METTL15: variants seen among roughly 807,000 people sequenced by gnomAD.
METTL15 encodes 12S rRNA N(4)-cytidine methyltransferase METTL15.
Under a neutral mutation model 38.3 loss-of-function variants are expected in METTL15, and 34 were observed. The ratio of observed to expected loss-of-function variants is 0.89; its 90% confidence interval spans 0.68 to 1.18. METTL15 has a LOEUF of 1.18. Among genes scored for constraint, METTL15 ranks in the 50% most tolerant of loss-of-function variants. The pLI, the probability that METTL15 is intolerant of heterozygous loss-of-function variation, is 0.00. For synonymous variants in METTL15, 162 were observed against 170.9 expected (o/e 0.95, Z 0.41); for missense variants, 438 against 498.4 (o/e 0.88, Z 1.15).
At chr11:28,404,869 A>G (rs1272558089) in intron 5 of METTL15, among the ~76,000 whole-genome samples, 4 of 152,118 alleles carry the variant, frequency 2.6e-5, no homozygotes, top group Non-Finnish European at 4.4e-5. Context: ...ATAATGACCC[A>G]TCTTCCTCTT....
rs577561432 is a variant in METTL15, at chr11:28,205,534, C to A, written c.271-5528C>A. ...ATGGACATTTGAGTTGGTTCCAGGT[C>A]TTTGCTATTGTGAATAGTGCCTCAA... is the stretch of plus-strand genomic sequence containing the variant. On this transcript the variant is annotated intron_variant, in intron 3 of 6. Coordinates refer to ENST00000407364, the MANE Select transcript of METTL15 (RefSeq NM_001113528.2). Among the ~76,000 whole-genome samples the A allele has an allele frequency of 1.7e-3, 266 of 152,174 alleles. 1 individual carries two copies. Among genetic ancestry groups the A allele is most frequent in the African/African-American group, 5.9e-3 (244 of 41,508 alleles).
At chr11:28,361,611 A>G (rs1850139244) in intron 4 of METTL15, among the ~76,000 whole-genome samples, 1 of 152,172 alleles carries the variant, frequency 6.6e-6, no homozygotes, top group Admixed American at 6.5e-5. Context: ...GTTCTAATAA[A>G]TATACTACCT....
chr11:28,316,302 A>T (rs1297614653), intron 6 of METTL15, among the ~76,000 whole-genome samples: 1 of 152,142 alleles, frequency 6.6e-6, no homozygotes, highest in Non-Finnish European at 1.5e-5. Context: ...ATCATTTTGG[A>T]GCTTTAACAT....
rs542264209 is a variant in METTL15, at chr11:28,180,992, C to CT, written c.271-30069dup. 6.6e-5 allele frequency among the ~76,000 whole-genome samples: 10 copies of CT among 151,902 alleles called. No homozygotes were observed. The South Asian group carries it at 1.9e-3, about 28-fold the overall frequency. On this transcript the variant is annotated intron_variant, in intron 3 of 6. Coordinates refer to ENST00000407364, the MANE Select transcript of METTL15 (RefSeq NM_001113528.2). ...AGGTTTCGTTTTCTACTTCTCAACT[C>CT]TGACAGTAGCCACTGGGAGGTAATA...
chr11:28,314,259 G>A (rs755324730), intron 6 of METTL15, among the ~76,000 whole-genome samples: 9 of 152,146 alleles, frequency 5.9e-5, no homozygotes, highest in African/African-American at 2.2e-4. Context: ...AATATTTTTT[G>A]AAGAACATTT....
intron 3 of METTL15, among the ~76,000 whole-genome samples, chr11:28,126,551 GA>G (rs1852495265): frequency 1.3e-5 from 2 of 152,272 alleles, no homozygotes; most frequent in East Asian, 3.9e-4. Context: ...AGACATTGAG[GA>G]GATAGATGTG....
At chr11:28,371,409 A>G (rs961643810) in intron 5 of METTL15, among the ~76,000 whole-genome samples, 8 of 151,948 alleles carry the variant, frequency 5.3e-5, no homozygotes, top group Admixed American at 3.3e-4. Context: ...TTCCAGTACC[A>G]TGCTTATTTG....
chr11:28,430,959 T>C, intron 6 of METTL15, among the ~76,000 whole-genome samples: 1 of 97,688 alleles, frequency 1.0e-5, no homozygotes, highest in African/African-American at 3.5e-5. Flanking sequence ...GGGGCGCCTC[T>C]GCCCGGCCGC....
At chr11:28,338,596 A>T (rs1849922478) in intron 3 of METTL15, among the ~76,000 whole-genome samples, 1 of 152,118 alleles carries the variant, frequency 6.6e-6, no homozygotes, top group East Asian at 1.9e-4. Context: ...AGGAATGTGC[A>T]TGTAGTGAGG....
intron 3 of METTL15, among the ~76,000 whole-genome samples, chr11:28,194,439 A>G (rs1235769515): frequency 2.6e-5 from 4 of 151,728 alleles, no homozygotes; most frequent in African/African-American, 9.7e-5. Flanking sequence ...ACCTCAGGTG[A>G]TGCACCTGCC....
intron 3 of METTL15, among the ~76,000 whole-genome samples, chr11:28,168,134 TCCTGTATTAAGC>T (rs1051834715): frequency 3.3e-5 from 5 of 152,080 alleles, no homozygotes; most frequent in African/African-American, 1.2e-4. Flanking sequence ...TTCCCTCCCA[TCCTGTATTAAGC>T]CCTCTTTGTC....
intron 6 of METTL15, among the ~76,000 whole-genome samples, chr11:28,468,093 C>T (rs1851272784): frequency 6.6e-6 from 1 of 152,140 alleles, no homozygotes; most frequent in South Asian, 2.1e-4. Flanking sequence ...ATGCTGCTGA[C>T]ATCCTTGTGC....
chr11:28,214,239 G>T (rs570679400), intron 4 of METTL15, among the ~76,000 whole-genome samples: 2 of 151,766 alleles, frequency 1.3e-5, no homozygotes, highest in Non-Finnish European at 2.9e-5. Flanking sequence ...TCTCTATGTT[G>T]CCCAGGCTGG....
At chr11:28,516,837 A>G (rs1851723612) in intron 6 of METTL15, 1 of 152,222 alleles carries the variant, frequency 6.6e-6, no homozygotes. Flanking sequence ...GCCCAGGGAG[A>G]TAGAATGTCA....
chr11:28,249,926 C>A (rs1260183939), intron 4 of METTL15, among the ~76,000 whole-genome samples: 1 of 151,928 alleles, frequency 6.6e-6, no homozygotes, highest in Admixed American at 6.6e-5. Context: ...CCCCTATGTC[C>A]ATGTGTATTC....
intron 3 of METTL15, chr11:28,123,982 T>C (rs1852362012): frequency 1.1e-6 from 1 of 888,308 alleles, no homozygotes; most frequent in Non-Finnish European, 1.6e-6. Flanking sequence ...TATAAGATTT[T>C]ACTGTTTATG....
intron 3 of METTL15, among the ~76,000 whole-genome samples, chr11:28,178,370 CCATTTTGGGT>C (rs1445678949): frequency 2.6e-5 from 4 of 151,840 alleles, no homozygotes; most frequent in Admixed American, 1.3e-4. Context: ...TACTTTGTCT[CCATTTTGGGT>C]ATTATCTGTA....
chr11:28,317,848 C>G (rs1441503585), intron 6 of METTL15, among the ~76,000 whole-genome samples: 1 of 152,172 alleles, frequency 6.6e-6, no homozygotes, highest in Non-Finnish European at 1.5e-5. Flanking sequence ...TTTCCAGCTT[C>G]TGATATCATA....
intron 5 of METTL15, among the ~76,000 whole-genome samples, chr11:28,423,761 G>A (rs866773477): frequency 2.8e-4 from 42 of 152,136 alleles, no homozygotes; most frequent in African/African-American, 9.2e-4. Flanking sequence ...CAAAAAAATA[G>A]TTGGAAAGAA....
Sources: gnomAD v4.1 joint callset for allele counts (sites outside exome capture counted in the v4.1 genomes callset) on GRCh38, gnomAD v4.1.1 for gene constraint, MANE v1.5 for transcripts, NCBI Gene and HGNC (gene_info 2026-07-23, HGNC 2026-07-21) for gene names.